The following POM121C variants were observed in gnomAD, a reference collection of about 807,000 sequenced individuals.
The protein encoded by POM121C is nuclear envelope pore membrane protein POM 121C.
In POM121C, 20 loss-of-function variants were observed where a neutral mutation model predicts 66.4. That is an observed-to-expected ratio of 0.30 (90% CI 0.21 to 0.44). The LOEUF (loss-of-function observed/expected upper bound fraction) is 0.44. Among genes scored for constraint, POM121C ranks in the 20% least tolerant of loss-of-function variants. The pLI is 1.00. For synonymous variants in POM121C, 286 were observed against 528.0 expected, an observed-to-expected ratio of 0.54 and a Z score of 6.28; for missense variants, 580 against 1,225.7, an observed-to-expected ratio of 0.47 and a Z score of 7.87.
chr7:75,457,833 G>A lies in POM121C; in HGVS notation c.-151-16186C>T, dbSNP rs1345554066. Among the ~76,000 whole-genome samples, 15 of 152,310 alleles carry A rather than the reference G, an allele frequency of 9.8e-5. No homozygotes were observed. The South Asian group carries it at 1.7e-3, about 17-fold the overall frequency. ...GTCGTGTACATTTCTGTTACATTCG[G>A]ATTAAAGACAAGTTCTGTTTAATAA... On this transcript the variant is annotated intron_variant, in intron 3 of 14. Coordinates refer to ENST00000615331, the MANE Select transcript of POM121C (RefSeq NM_001099415.3).
At position 75,422,407 on chromosome 7, in the gene POM121C, G is replaced by A; in HGVS notation, c.1845C>T (p.Ser615=). 6.2e-7 allele frequency: 1 copy of A among 1,608,738 alleles called. No individual in the cohort carries two copies. Among genetic ancestry groups the A allele is most frequent in the South Asian group, 1.1e-5 (1 of 90,932 alleles). The part of the protein sequence containing the change: ...SAASFTPAMG[S]IFQFGKPPAL... Reference sequence around the variant, plus strand: ...CAGGAGGTTTGCCAAACTGGAATATGGAGCCCATGGCCGGGGTGAAGCTGG... The same window carrying A: ...CAGGAGGTTTGCCAAACTGGAATATAGAGCCCATGGCCGGGGTGAAGCTGG... Residue 615 remains serine (S), a synonymous_variant, in exon 13 of 15, where the codon TCC becomes TCT. Coordinates refer to ENST00000615331, the MANE Select transcript of POM121C (RefSeq NM_001099415.3).
chr7:75,484,428 G>C (rs1232015251), intron 1 of POM121C: 1 of 411,054 alleles, frequency 2.4e-6, no homozygotes, highest in Non-Finnish European at 4.4e-6. Context: ...CACCATGTTG[G>C]CCAGGCTGGT....
intron 3 of POM121C, among the ~76,000 whole-genome samples, chr7:75,463,451 T>C (rs1791515718): frequency 7.0e-6 from 1 of 143,786 alleles, no homozygotes; most frequent in African/African-American, 2.5e-5. Context: ...GGGTTTTTCT[T>C]TTTTTTTTTT....
intron 3 of POM121C, among the ~76,000 whole-genome samples, chr7:75,443,233 A>T (rs1203011162): frequency 1.3e-5 from 2 of 152,146 alleles, no homozygotes; most frequent in Non-Finnish European, 2.9e-5. Flanking sequence ...ATCGATTTAT[A>T]CCTATGCTAA....
chr7:75,449,621 C>T (rs62477667), intron 3 of POM121C, among the ~76,000 whole-genome samples: 2,041 of 152,076 alleles, frequency 0.013, 21 homozygotes, highest in Non-Finnish European at 0.022. Flanking sequence ...CCACCCGCAG[C>T]CTCCCAAAGT....
At chr7:75,437,400 C>T (rs10274546) in intron 7 of POM121C, 115 bp downstream of exon 7, 15,341 of 1,402,206 alleles carry the variant, frequency 0.011, 94 homozygotes, top group African/African-American at 0.02. Flanking sequence ...GCAATCCTCC[C>T]GCTTTGGCCT....
chr7:75,469,731 C>T (rs1327219237), intron 3 of POM121C, among the ~76,000 whole-genome samples: 2 of 152,160 alleles, frequency 1.3e-5, no homozygotes, highest in Non-Finnish European at 2.9e-5. Flanking sequence ...TGCTGAACTT[C>T]GCTCCAGCCT....
intron 3 of POM121C, among the ~76,000 whole-genome samples, chr7:75,460,395 G>A (rs1242392024): frequency 1.3e-5 from 2 of 151,966 alleles, no homozygotes; most frequent in African/African-American, 4.8e-5. Context: ...CCAGCTACTC[G>A]GGAGGCTGAG....
chr7:75,469,844 C>T (rs1277035769), intron 3 of POM121C, among the ~76,000 whole-genome samples: 5 of 152,204 alleles, frequency 3.3e-5, no homozygotes, highest in African/African-American at 1.2e-4. Flanking sequence ...CTTCAGCTCT[C>T]TAAGTATCTT....
rs1193453496 is a variant in POM121C at position 75,485,907 on chromosome 7, C to G, written c.-501G>C. ...CCTCTGCCCCACGGCTCCCGAGAGGCCGGGGCGGGCTGCTGTCGCTGGCGC... is the reference window on the plus strand; with the variant it reads ...CCTCTGCCCCACGGCTCCCGAGAGGGCGGGGCGGGCTGCTGTCGCTGGCGC... On this transcript the variant is annotated 5_prime_UTR_variant, in exon 1 of 15. Coordinates refer to ENST00000615331, the MANE Select transcript of POM121C (RefSeq NM_001099415.3). 9 of 501,998 alleles carry G rather than the reference C, an allele frequency of 1.8e-5. No homozygotes were observed. The highest frequency in any genetic ancestry group is 3.5e-5 in the Non-Finnish European group (9 of 253,646). 31.1% of individuals were successfully genotyped at this position (501,998 alleles called of 1,614,324 possible). A position where few individuals can be genotyped will look rare whatever the true frequency, so the allele number is the denominator to read the frequency against.
At chr7:75,446,840 T>C (rs1790826807) in intron 3 of POM121C, among the ~76,000 whole-genome samples, 1 of 149,880 alleles carries the variant, frequency 6.7e-6, no homozygotes, top group Non-Finnish European at 1.5e-5. Flanking sequence ...AAACGCCATC[T>C]CTATTAAAAT....
chr7:75,477,110 T>TGCACACACACAC (rs1425569123), intron 1 of POM121C, among the ~76,000 whole-genome samples: 1 of 140,590 alleles, frequency 7.1e-6, no homozygotes, highest in African/African-American at 2.6e-5. Context: ...TTTGCGTGTA[T>TGCACACACACAC]ACACACACAC....
At chr7:75,447,748 G>A (rs1183266537) in intron 3 of POM121C, among the ~76,000 whole-genome samples, 1 of 151,932 alleles carries the variant, frequency 6.6e-6, no homozygotes, top group Non-Finnish European at 1.5e-5. Context: ...ATTAGGCCAG[G>A]AGCAGTGGCT....
At chr7:75,448,325 C>T (rs1247715891) in intron 3 of POM121C, among the ~76,000 whole-genome samples, 2 of 137,994 alleles carry the variant, frequency 1.4e-5, no homozygotes, top group Non-Finnish European at 3.2e-5. Context: ...AAGAAAAATA[C>T]CAAATGGAAA....
intron 7 of POM121C, among the ~76,000 whole-genome samples, chr7:75,431,061 C>T (rs1455639769): frequency 1.2e-4 from 12 of 102,460 alleles, no homozygotes; most frequent in African/African-American, 2.4e-4. Flanking sequence ...GGTGACAGAG[C>T]GAGACTCTGT....
chr7:75,424,053 G>A lies in POM121C; in HGVS notation c.1044C>T (p.Cys348=). 1 of 1,611,386 alleles carries A rather than the reference G, an allele frequency of 6.2e-7. No homozygotes were observed. Among genetic ancestry groups the A allele is most frequent in the South Asian group, 1.1e-5 (1 of 90,982 alleles). The change falls in exon 12 of 15, where the codon TGC becomes TGT. Residue 348 remains cysteine (C), a synonymous_variant. Transcript: ENST00000615331. ...KMQTPPSLPP[C]PESAGAATTE... is the part of the protein sequence containing the mutation. Reference sequence around the variant, plus strand: ...CACGGCCCCACTCCAGCTCACCTGGGCAGGGTGGCAGGCTCGGGGGAGTCT... The same window carrying A: ...CACGGCCCCACTCCAGCTCACCTGGACAGGGTGGCAGGCTCGGGGGAGTCT...
At chr7:75,438,892 T>C (rs1185537887) in intron 6 of POM121C, among the ~76,000 whole-genome samples, 1 of 152,244 alleles carries the variant, frequency 6.6e-6, no homozygotes, top group African/African-American at 2.4e-5. Context: ...GTGTATGTGC[T>C]TGGTTATTAA....
At chr7:75,423,873 C>T (rs1305579803) in intron 12 of POM121C, among the ~76,000 whole-genome samples, 176 bp downstream of exon 12, 1 of 152,244 alleles carries the variant, frequency 6.6e-6, no homozygotes, top group Non-Finnish European at 1.5e-5. Flanking sequence ...CCTTCTCTAA[C>T]ACTTCCTGAT....
At position 75,481,945 on chromosome 7, in the gene POM121C, A is replaced by T. The variant is rs587640767; in HGVS notation, c.-458+3919T>A. Among the ~76,000 whole-genome samples, 4 of 152,322 alleles carry T rather than the reference A, an allele frequency of 2.6e-5. No individual in the cohort carries two copies. The South Asian group carries it at 8.3e-4, about 32-fold the overall frequency. On this transcript the variant is annotated intron_variant, in intron 1 of 14. Coordinates refer to ENST00000615331, the MANE Select transcript of POM121C (RefSeq NM_001099415.3). ...GTAAATCACAGCAATAATCAAGTCA[A>T]TAGTTCTTAACTTCACAAAAACAAA...
Sources: gnomAD v4.1 joint callset for allele counts (sites outside exome capture counted in the v4.1 genomes callset) on GRCh38, gnomAD v4.1.1 for gene constraint, MANE v1.5 for transcripts, NCBI Gene and HGNC (gene_info 2026-07-23, HGNC 2026-07-21) for gene names.